Variants in RNF216 observed in about 807,000 individuals in gnomAD.
The protein encoded by RNF216 is ring finger protein 216.
A neutral mutation model predicts 110.8 loss-of-function variants in RNF216; 72 were observed. The ratio of observed to expected loss-of-function variants is 0.65; its 90% CI spans 0.54 to 0.79. The LOEUF (loss-of-function observed/expected upper bound fraction) is 0.79, where lower values mean the gene tolerates loss of function less well. Among genes scored for constraint, RNF216 ranks in the 30% least tolerant of loss-of-function variants. The pLI is 0.00. For synonymous variants in RNF216, 495 were observed against 407.5 expected (o/e 1.21, Z -2.59); for missense variants, 1,342 against 1,141.2 (o/e 1.18, Z -2.54).
At chr7:5,726,932 CGGAA>C (rs368395602) in intron 7 of RNF216, among the ~76,000 whole-genome samples, 2,125 of 151,340 alleles carry the variant, frequency 0.014, 39 homozygotes, top group African/African-American at 0.048. Flanking sequence ...TGATTTGAAA[CGGAA>C]GGAAGGGTGT....
At chr7:5,761,915 A>G (rs1415096194) in intron 1 of RNF216, among the ~76,000 whole-genome samples, 1 of 152,252 alleles carries the variant, frequency 6.6e-6, no homozygotes, top group African/African-American at 2.4e-5. Flanking sequence ...CTGAATAGCA[A>G]TTAGCAATAC....
intron 1 of RNF216, among the ~76,000 whole-genome samples, chr7:5,762,304 C>A (rs1028873203): frequency 6.6e-6 from 1 of 151,922 alleles, no homozygotes; most frequent in Non-Finnish European, 1.5e-5. Context: ...GGATGGATCA[C>A]CTAAGGTGAG....
chr7:5,720,863 A>C (rs149479001), intron 9 of RNF216, among the ~76,000 whole-genome samples, 170 bp downstream of exon 9: 12 of 152,356 alleles, frequency 7.9e-5, no homozygotes, highest in African/African-American at 2.9e-4. Flanking sequence ...AACCACAAAC[A>C]TAAGTATTAT....
chr7:5,758,871 G>A (rs542469340), intron 2 of RNF216, among the ~76,000 whole-genome samples: 13 of 152,250 alleles, frequency 8.5e-5, no homozygotes, highest in Middle Eastern at 3.4e-3. Flanking sequence ...TTGGGAAGAC[G>A]CAATTGTATT....
At chr7:5,653,242 T>C (rs1788506668) in intron 13 of RNF216, among the ~76,000 whole-genome samples, 1 of 152,110 alleles carries the variant, frequency 6.6e-6, no homozygotes, top group African/African-American at 2.4e-5. Context: ...TCTAGGATCC[T>C]TCATAGTTTA....
At chr7:5,634,204 T>C (rs710940) in intron 15 of RNF216, among the ~76,000 whole-genome samples, 2,272 of 151,358 alleles carry the variant, frequency 0.015, 33 homozygotes, top group South Asian at 0.038. Context: ...CCTGTGACCA[T>C]GGGGGAAGAA....
chr7:5,659,811 G>A (rs536649498), intron 13 of RNF216, among the ~76,000 whole-genome samples: 4 of 152,292 alleles, frequency 2.6e-5, no homozygotes, highest in African/African-American at 9.6e-5. Flanking sequence ...CCTGGCAGGG[G>A]CAGGAAAGGC....
intron 2 of RNF216, among the ~76,000 whole-genome samples, chr7:5,758,822 T>C (rs186296336): frequency 2.1e-4 from 32 of 152,276 alleles, no homozygotes; most frequent in African/African-American, 6.5e-4. Context: ...GACTGGACTT[T>C]TGAGTTAATG....
intron 13 of RNF216, among the ~76,000 whole-genome samples, chr7:5,711,538 G>T (rs1792689741): frequency 6.6e-6 from 1 of 152,154 alleles, no homozygotes; most frequent in South Asian, 2.1e-4. Flanking sequence ...ATATAAAATA[G>T]GAATCCAGAG....
Position 5,712,838 on chromosome 7 carries a change from C to T in RNF216, c.1859G>A (p.Ser620Asn). 6.2e-7 allele frequency: 1 copy of T among 1,613,954 alleles called. No homozygotes were observed. Among genetic ancestry groups the T allele is most frequent in the Non-Finnish European group, 8.5e-7 (1 of 1,179,930 alleles). ...GKLELSCMEG[S>N]CTCSFPTSEL... ...ACTGGTTGGGAACGAACACGTGCAG[C>T]TGCCTTCCATGCAGCTGAGCTCCAA... is the stretch of plus-strand genomic sequence containing the variant. The change falls in exon 12 of 17, where the codon AGC becomes AAC. Residue 620 changes from serine to asparagine, a missense_variant. Ser to Asn is a conservative substitution (Grantham distance 46). Coordinates refer to ENST00000389902, the MANE Select transcript of RNF216 (RefSeq NM_207111.4).
chr7:5,632,202 G>T (rs1356574686), intron 15 of RNF216, among the ~76,000 whole-genome samples: 1 of 152,222 alleles, frequency 6.6e-6, no homozygotes, highest in Admixed American at 6.5e-5. Flanking sequence ...GCCAGTGGGG[G>T]CAGGAGGGGC....
chr7:5,780,713 G>T (rs10247051), intron 1 of RNF216, among the ~76,000 whole-genome samples: 61,342 of 150,720 alleles, frequency 0.41, 12,825 homozygotes, highest in East Asian at 0.76. Flanking sequence ...TCAAAGAAAA[G>T]GAGAAAAAAA....
At chr7:5,703,235 G>A (rs1027874064) in intron 13 of RNF216, among the ~76,000 whole-genome samples, 11 of 152,154 alleles carry the variant, frequency 7.2e-5, no homozygotes, top group African/African-American at 2.4e-4. Context: ...TCTTGTCAAC[G>A]CTACTTCCTG....
chr7:5,706,219 CAAAAAAAAA>C (rs56894423), intron 13 of RNF216, among the ~76,000 whole-genome samples: 4 of 70,710 alleles, frequency 5.7e-5, no homozygotes, highest in Non-Finnish European at 1.0e-4. Flanking sequence ...CACTCCATCT[CAAAAAAAAA>C]AAAAAAAAAA....
At chr7:5,739,147 C>T in intron 5 of RNF216, 129 bp downstream of exon 5, 1 of 1,115,726 alleles carries the variant, frequency 9.0e-7, no homozygotes, top group Non-Finnish European at 1.2e-6. Context: ...GTGATAGTTG[C>T]ATAATAATGT....
chr7:5,694,333 TTC>T (rs1283450420), intron 13 of RNF216, among the ~76,000 whole-genome samples: 1 of 152,248 alleles, frequency 6.6e-6, no homozygotes, highest in Non-Finnish European at 1.5e-5. Flanking sequence ...CTCAATGATA[TTC>T]TCTTTAAGGA....
In RNF216 at chr7:5,712,865, T is replaced by C. The variant is rs762980353; in HGVS notation, c.1834-2A>G. On this transcript the variant is annotated splice_acceptor_variant, in intron 11 of 16. Transcript: ENST00000389902. LOFTEE classifies it high-confidence loss of function. ...GCCTTCCATGCAGCTGAGCTCCAAC[T>C]AGAAAAAGGCGAAAAGGCAAAGAAA... 1.3e-6 allele frequency: 2 copies of C among 1,598,212 alleles called. No homozygotes were observed. The highest frequency in any genetic ancestry group is 1.7e-6 in the Non-Finnish European group (2 of 1,175,158).
intron 2 of RNF216, among the ~76,000 whole-genome samples, chr7:5,755,606 A>G (rs537661728): frequency 6.6e-6 from 1 of 152,330 alleles, no homozygotes; most frequent in African/African-American, 2.4e-5. Context: ...CTTGCAAATA[A>G]TGTTTGAGAT....
rs1266306978 is a variant in RNF216 at position 5,620,159 on chromosome 7, A to C, written c.*2701T>G. 1.3e-5 allele frequency: 2 copies of C among 152,284 alleles called. No individual in the cohort carries two copies. The highest frequency in any genetic ancestry group is 4.8e-5 in the African/African-American group (2 of 41,476). The allele number at this position is 152,284 out of a possible 1,614,324, so 9.4% of individuals were successfully genotyped here. ...TTATCTATTTTTACTACCAGAAGGT[A>C]AAGAAAAAGTTTAATGAACTAATCG... is the stretch of plus-strand genomic sequence containing the variant. On this transcript the variant is annotated 3_prime_UTR_variant, in exon 17 of 17. Transcript: ENST00000389902.
Sources: allele counts gnomAD v4.1 joint callset (sites outside exome capture counted in the v4.1 genomes callset), GRCh38; gene constraint gnomAD v4.1.1; transcripts MANE v1.5; gene names NCBI Gene and HGNC (gene_info 2026-07-23, HGNC 2026-07-21).